The following ROBO2 variants were observed in gnomAD, a reference collection of about 807,000 sequenced individuals.
The protein encoded by ROBO2 is roundabout homolog 2.
A neutral mutation model predicts 160.8 loss-of-function variants in ROBO2; 53 were observed. The ratio of observed to expected loss-of-function variants is 0.33; its 90% CI spans 0.26 to 0.41. ROBO2 has a LOEUF of 0.41. Ranked by LOEUF, ROBO2 falls within the 10% of genes least tolerant of loss-of-function variation. The pLI is 1.00. For synonymous variants in ROBO2, 664 were observed against 611.7 expected (o/e 1.09, Z -1.26); for missense variants, 1,577 against 1,722.4 (o/e 0.92, Z 1.49).
intron 1 of ROBO2, among the ~76,000 whole-genome samples, chr3:77,091,112 G>T (rs1335410968): frequency 6.6e-6 from 1 of 152,134 alleles, no homozygotes; most frequent in Admixed American, 6.5e-5. Context: ...GGGACTAATA[G>T]CTGATAGGGC....
chr3:76,657,593 T>A (rs2091598208), intron 2 of ROBO2, among the ~76,000 whole-genome samples: 1 of 144,160 alleles, frequency 6.9e-6, no homozygotes, highest in African/African-American at 2.6e-5. Flanking sequence ...AAAAAAAATA[T>A]ATATATGTAT....
chr3:77,217,631 A>G (rs2085159389), intron 2 of ROBO2, among the ~76,000 whole-genome samples: 1 of 152,254 alleles, frequency 6.6e-6, no homozygotes, highest in Non-Finnish European at 1.5e-5. Flanking sequence ...GAAGAGCTCA[A>G]AATGAAATGC....
intron 2 of ROBO2, among the ~76,000 whole-genome samples, chr3:77,246,432 A>G (rs1045112684): frequency 1.3e-5 from 2 of 151,782 alleles, no homozygotes; most frequent in African/African-American, 2.4e-5. Flanking sequence ...TTGTGGCTAC[A>G]CTCACTTTAA....
chr3:77,530,338 C>T (rs1183937396), intron 6 of ROBO2, among the ~76,000 whole-genome samples: 2 of 151,994 alleles, frequency 1.3e-5, no homozygotes, highest in Middle Eastern at 6.3e-3. Context: ...ACATTACTCA[C>T]TGGATGAAAC....
chr3:76,973,049 C>T (rs1013206392), intron 2 of ROBO2, among the ~76,000 whole-genome samples: 1 of 152,066 alleles, frequency 6.6e-6, no homozygotes, highest in East Asian at 1.9e-4. Flanking sequence ...CACAAGTTAA[C>T]AGTACAAATA....
chr3:77,133,611 C>G (rs183171698), intron 2 of ROBO2, among the ~76,000 whole-genome samples: 1 of 147,962 alleles, frequency 6.8e-6, no homozygotes. Context: ...TATTAAAACA[C>G]ATTCCGTCCT....
At chr3:76,598,523 C>T (rs75300375) in intron 2 of ROBO2, among the ~76,000 whole-genome samples, 14,551 of 151,982 alleles carry the variant, frequency 0.096, 915 homozygotes, top group East Asian at 0.26. Context: ...TGTGATTTTC[C>T]ACTACGGTTT....
At chr3:77,179,402 T>A (rs1346118427) in intron 2 of ROBO2, among the ~76,000 whole-genome samples, 1 of 152,112 alleles carries the variant, frequency 6.6e-6, no homozygotes, top group East Asian at 1.9e-4. Context: ...ATTTCATTTT[T>A]TCATATAGCT....
In ROBO2 at chr3:77,309,571, A is replaced by T. The variant is rs1439892726; in HGVS notation, c.389-167843A>T. Among the ~76,000 whole-genome samples, 3 of 152,360 alleles carry T rather than the reference A, an allele frequency of 2.0e-5. No individual in the cohort carries two copies. In the East Asian group the frequency reaches 5.8e-4, roughly 29 times the overall value. On this transcript the variant is annotated intron_variant, in intron 2 of 25. Coordinates refer to ENST00000461745, the Ensembl canonical transcript of ROBO2. ...GGGTTGCCAAGTTTAGTACATAAAA[A>T]TACTTGTATTAAATGTGTTTATCTG... is the stretch of plus-strand genomic sequence containing the variant.
chr3:76,492,951 A>C (rs1338599016), intron 2 of ROBO2, among the ~76,000 whole-genome samples: 1 of 152,198 alleles, frequency 6.6e-6, no homozygotes, highest in African/African-American at 2.4e-5. Flanking sequence ...TACATTGGTT[A>C]TAATTACATT....
At chr3:77,508,839 C>CT (rs988346606) in intron 5 of ROBO2, among the ~76,000 whole-genome samples, 5 of 151,958 alleles carry the variant, frequency 3.3e-5, no homozygotes, top group Non-Finnish European at 4.4e-5. Flanking sequence ...AGACCTTGCT[C>CT]TTTTTTTACC....
intron 2 of ROBO2, among the ~76,000 whole-genome samples, chr3:77,378,886 C>T (rs1365328020): frequency 6.6e-6 from 1 of 151,982 alleles, no homozygotes; most frequent in Non-Finnish European, 1.5e-5. Flanking sequence ...CATGCTTTCC[C>T]CAACCCGGCA....
intron 2 of ROBO2, among the ~76,000 whole-genome samples, chr3:77,010,235 C>CT (rs1215217993): frequency 6.6e-6 from 1 of 152,124 alleles, no homozygotes; most frequent in African/African-American, 2.4e-5. Context: ...GTAGAAATGA[C>CT]TGTCAACCAA....
intron 2 of ROBO2, among the ~76,000 whole-genome samples, chr3:76,065,172 G>A (rs1252248517): frequency 6.6e-6 from 1 of 152,040 alleles, no homozygotes; most frequent in Non-Finnish European, 1.5e-5. Flanking sequence ...TAGACACAGG[G>A]TCCGTATCTC....
At chr3:76,062,512 A>G (rs2107896748) in intron 2 of ROBO2, among the ~76,000 whole-genome samples, 1 of 152,220 alleles carries the variant, frequency 6.6e-6, no homozygotes, top group East Asian at 1.9e-4. Context: ...TCCCTCCTTC[A>G]TTGATATGAA....
chr3:77,339,228 C>T (rs959977405), intron 2 of ROBO2, among the ~76,000 whole-genome samples: 2 of 151,718 alleles, frequency 1.3e-5, no homozygotes, highest in African/African-American at 4.8e-5. Flanking sequence ...TTGAAGTAGA[C>T]ACATTGAGGA....
chr3:77,457,106 A>G (rs1400572317), intron 2 of ROBO2, among the ~76,000 whole-genome samples: 1 of 152,166 alleles, frequency 6.6e-6, no homozygotes, highest in East Asian at 1.9e-4. Flanking sequence ...TACAGGCACT[A>G]TTAGCCCCGC....
intron 2 of ROBO2, among the ~76,000 whole-genome samples, chr3:76,590,017 C>T (rs2086313986): frequency 6.6e-6 from 1 of 151,936 alleles, no homozygotes; most frequent in Non-Finnish European, 1.5e-5. Context: ...AATATGTAGG[C>T]TTAAACTAAT....
Position 77,018,141 on chromosome 3 carries a change from C to T in ROBO2, c.110-79873C>T, listed in dbSNP as rs186638200. 1.8e-3 allele frequency among the ~76,000 whole-genome samples: 278 copies of T among 152,248 alleles called. 2 individuals carry two copies. Among genetic ancestry groups the T allele is most frequent in the African/African-American group, 6.0e-3 (251 of 41,548 alleles). ...CATTTGAGACAGGATCTCACTCTGT[C>T]GCCCAGGCTGGAGTGCAGTGGCGCA... On this transcript the variant is annotated intron_variant, in intron 2 of 26. Transcript: ENST00000487694.
Sources: allele counts gnomAD v4.1 joint callset (sites outside exome capture counted in the v4.1 genomes callset), GRCh38; gene constraint gnomAD v4.1.1; transcripts MANE v1.5; gene names NCBI Gene and HGNC (gene_info 2026-07-23, HGNC 2026-07-21).